The following EHHADH variants were observed in gnomAD, a reference collection of about 807,000 sequenced individuals.
The protein encoded by EHHADH is peroxisomal bifunctional enzyme.
EHHADH carries 48 observed loss-of-function variants against 64.4 expected under a neutral mutation model. The observed-to-expected ratio is 0.75, with a 90% CI of 0.59 to 0.95. EHHADH has a LOEUF of 0.95. Ranked by LOEUF, EHHADH falls within the 40% of genes least tolerant of loss-of-function variation. EHHADH has a pLI of 0.00. For synonymous variants in EHHADH, 308 were observed against 326.7 expected, an observed-to-expected ratio of 0.94 and a Z score of 0.62; for missense variants, 854 against 876.6, an observed-to-expected ratio of 0.97 and a Z score of 0.33.
intron 2 of EHHADH, among the ~76,000 whole-genome samples, chr3:185,238,718 T>G (rs1719369298): frequency 6.6e-6 from 1 of 152,206 alleles, no homozygotes; most frequent in South Asian, 2.1e-4. Context: ...GATGCACAGT[T>G]TGCAAATATT....
chr3:185,230,612 C>G (rs551666827), intron 3 of EHHADH, among the ~76,000 whole-genome samples: 99 of 139,836 alleles, frequency 7.1e-4, no homozygotes, highest in Admixed American at 1.7e-3. Context: ...CCAGAATAGG[C>G]AAAACATGCT....
chr3:185,223,980 A>G (rs1344518298), intron 4 of EHHADH, among the ~76,000 whole-genome samples: 1 of 152,170 alleles, frequency 6.6e-6, no homozygotes, highest in Non-Finnish European at 1.5e-5. Flanking sequence ...ATTCTAAGGA[A>G]ATTGTGGAGA....
rs185950214 is a variant in EHHADH, at chr3:185,193,479, T to C, written c.919A>G (p.Thr307Ala). 85 of 1,613,166 alleles carry C rather than the reference T, an allele frequency of 5.3e-5. No individual in the cohort carries two copies. In the Admixed American group the frequency reaches 1.4e-3, roughly 27 times the overall value. ...GAAATGACAATGCCTCGGCCCATTGTTCCCAAGCCTGCAGATAAAAATCAA... is the reference window on the plus strand; with the variant it reads ...GAAATGACAATGCCTCGGCCCATTGCTCCCAAGCCTGCAGATAAAAATCAA... Reference protein sequence around the residue: ...VSSVGVVGLGTMGRGIVISFA... With the variant: ...VSSVGVVGLGAMGRGIVISFA... The change falls in exon 7 of 7, where the codon ACA (threonine) becomes GCA (alanine). Residue 307 changes from threonine (T) to alanine (A), a missense_variant. By Grantham distance (58) the Thr-to-Ala change is moderately conservative. Transcript: ENST00000231887.
At chr3:185,220,545 A>T (rs1718805296) in intron 4 of EHHADH, among the ~76,000 whole-genome samples, 1 of 152,202 alleles carries the variant, frequency 6.6e-6, no homozygotes, top group South Asian at 2.1e-4. Flanking sequence ...TGGTCACATA[A>T]CAACAAACTC....
intron 5 of EHHADH, among the ~76,000 whole-genome samples, chr3:185,208,664 A>G (rs1718461283): frequency 6.6e-6 from 1 of 151,186 alleles, no homozygotes; most frequent in African/African-American, 2.4e-5. Context: ...CAGCAATTTC[A>G]CTCCCAGGAA....
intron 6 of EHHADH, among the ~76,000 whole-genome samples, chr3:185,203,972 T>C (rs1432111656): frequency 6.6e-6 from 1 of 151,582 alleles, no homozygotes; most frequent in East Asian, 1.9e-4. Flanking sequence ...AAGCCCTGTC[T>C]CTACTAAAAA....
chr3:185,229,586 T>C (rs373495396), intron 3 of EHHADH, 43 bp from the exon 4 acceptor site: 1 of 1,293,656 alleles, frequency 7.7e-7, no homozygotes. Context: ...CATGAGATGG[T>C]ATGTTCAGAG....
At chr3:185,230,293 T>C (rs1247586348) in intron 3 of EHHADH, among the ~76,000 whole-genome samples, 1 of 152,190 alleles carries the variant, frequency 6.6e-6, no homozygotes, top group Non-Finnish European at 1.5e-5. Flanking sequence ...AGAGTTACCA[T>C]ATGACCCATC....
intron 2 of EHHADH, among the ~76,000 whole-genome samples, chr3:185,244,644 T>C (rs930843380): frequency 1.4e-4 from 21 of 152,256 alleles, no homozygotes; most frequent in African/African-American, 5.1e-4. Flanking sequence ...AGGGTGGGCC[T>C]ATAGAAGATC....
At chr3:185,222,710 C>T (rs6779662) in intron 4 of EHHADH, among the ~76,000 whole-genome samples, 137,178 of 152,256 alleles carry the variant, frequency 0.9, 61,968 homozygotes, top group Non-Finnish European at 0.93. Flanking sequence ...CTTATTATTA[C>T]GAAAATAGAT....
At chr3:185,223,997 C>T (rs982090206) in intron 4 of EHHADH, among the ~76,000 whole-genome samples, 2 of 152,150 alleles carry the variant, frequency 1.3e-5, no homozygotes, top group Non-Finnish European at 2.9e-5. Flanking sequence ...GAGAAGGTTG[C>T]TGTTGTAATC....
chr3:185,253,589 T>TAA (rs113367839), intron 1 of EHHADH, among the ~76,000 whole-genome samples: 1 of 147,302 alleles, frequency 6.8e-6, no homozygotes, highest in Non-Finnish European at 1.5e-5. Context: ...AAAAGAAAAA[T>TAA]AAAAAGTCGG....
At chr3:185,241,961 A>T (rs549261989) in intron 2 of EHHADH, among the ~76,000 whole-genome samples, 1 of 152,306 alleles carries the variant, frequency 6.6e-6, no homozygotes, top group South Asian at 2.1e-4. Flanking sequence ...ATCCATCTTG[A>T]GTTATTTTTG....
At position 185,193,321 on chromosome 3, in the gene EHHADH, T is replaced by A. The variant is rs768309649; in HGVS notation, c.1077A>T (p.Ser359=). 6.2e-7 allele frequency: 1 copy of A among 1,612,186 alleles called. No homozygotes were observed. Among genetic ancestry groups the A allele is most frequent in the Admixed American group, 1.7e-5 (1 of 59,600 alleles). ...ATGAAGTTAACCTGGGTTTTGGTCC[T>A]GACCAAGGGTGGCCGCTCTGTTGCA... ...SKMQQSGHPW[S]GPKPRLTSSV... The change falls in exon 7 of 7, where the codon TCA becomes TCT. Residue 359 remains serine (S), a synonymous_variant. Coordinates refer to ENST00000231887, the MANE Select transcript of EHHADH (RefSeq NM_001966.4).
At position 185,192,814 on chromosome 3, in the gene EHHADH, A is replaced by C. The variant is rs1560003998; in HGVS notation, c.1584T>G (p.Asp528Glu). ...PFRVSDLAGL[D>E]VGWKSRKGQG... The stretch of plus-strand genomic sequence containing the variant: ...GCCCCTTTCTAGATTTCCAGCCCAC[A>C]TCCAACCCAGCAAGATCAGACACTC... Residue 528 changes from aspartate to glutamate, a missense_variant, in exon 7 of 7, where the codon GAT (aspartate) becomes GAG (glutamate). Coordinates refer to ENST00000231887, the MANE Select transcript of EHHADH (RefSeq NM_001966.4). 6.2e-7 allele frequency: 1 copy of C among 1,614,138 alleles called. No individual in the cohort carries two copies. The highest frequency in any genetic ancestry group is 1.1e-5 in the South Asian group (1 of 91,080).
chr3:185,224,359 G>C (rs1316224172), intron 4 of EHHADH, among the ~76,000 whole-genome samples: 2 of 151,530 alleles, frequency 1.3e-5, no homozygotes, highest in African/African-American at 2.4e-5. Context: ...AAATTAGCCG[G>C]GTGTGGTGGC....
intron 2 of EHHADH, 182 bp downstream of exon 2, chr3:185,248,232 C>T (rs1719648297): frequency 6.9e-6 from 4 of 583,158 alleles, no homozygotes; most frequent in South Asian, 2.3e-5. Flanking sequence ...AGAGACTAAG[C>T]CCTTCTCTGG....
At chr3:185,198,466 C>A (rs1353782468) in intron 6 of EHHADH, among the ~76,000 whole-genome samples, 1 of 151,890 alleles carries the variant, frequency 6.6e-6, no homozygotes, top group Non-Finnish European at 1.5e-5. Context: ...GGTGATCCAC[C>A]CACCTTGGCC....
chr3:185,193,264 G>T lies in EHHADH; in HGVS notation c.1134C>A (p.Val378=), dbSNP rs1717959319. 5 of 1,601,942 alleles carry T rather than the reference G, an allele frequency of 3.1e-6. No individual in the cohort carries two copies. The highest frequency in any genetic ancestry group is 3.4e-6 in the Non-Finnish European group (4 of 1,174,652). Reference sequence around the variant, plus strand: ...TCATTTCCTCAAATACTGCTTCAATGACTAAATCTACACCACCAAGCTCCT... The same window carrying T: ...TCATTTCCTCAAATACTGCTTCAATTACTAAATCTACACCACCAAGCTCCT... The part of the protein sequence containing the change: ...SVKELGGVDL[V]IEAVFEEMSL... The change falls in exon 7 of 7, where the codon GTC becomes GTA. Residue 378 remains valine, a synonymous_variant. Transcript: ENST00000231887.
Sources: allele counts gnomAD v4.1 joint callset (sites outside exome capture counted in the v4.1 genomes callset), GRCh38; gene constraint gnomAD v4.1.1; transcripts MANE v1.5; gene names NCBI Gene and HGNC (gene_info 2026-07-23, HGNC 2026-07-21).